The following ELF1 variants were observed in gnomAD, a reference collection of about 807,000 sequenced individuals.
ELF1 encodes the protein ETS-related transcription factor Elf-1.
A neutral mutation model predicts 59.9 loss-of-function variants in ELF1; 24 were observed. That is an observed-to-expected ratio of 0.40 (90% CI 0.29 to 0.56). The LOEUF (loss-of-function observed/expected upper bound fraction) is 0.56, where lower values mean the gene tolerates loss of function less well. ELF1 is among the 20% of genes least tolerant of loss of function. The probability of loss-of-function intolerance (pLI) is 0.44; values close to 1 mark genes in which losing one functional copy is unlikely to be tolerated. For missense variants in ELF1, 627 were observed against 742.2 expected, an observed-to-expected ratio of 0.84 and a Z score of 1.80; for synonymous variants, 248 against 266.2, an observed-to-expected ratio of 0.93 and a Z score of 0.67.
At chr13:41,027,346 T>C (rs1875980163) in intron 1 of ELF1, among the ~76,000 whole-genome samples, 1 of 152,212 alleles carries the variant, frequency 6.6e-6, no homozygotes, top group Non-Finnish European at 1.5e-5. Flanking sequence ...GCATGACCTG[T>C]TTTATGGATA....
chr13:40,973,399 CACAA>C (rs984171842), intron 2 of ELF1, among the ~76,000 whole-genome samples: 2 of 152,156 alleles, frequency 1.3e-5, no homozygotes, highest in African/African-American at 4.8e-5. Flanking sequence ...CTAAAACACA[CACAA>C]ACAATTATTT....
In ELF1 at chr13:40,982,189, T is replaced by C. The variant is rs543589884; in HGVS notation, c.-135A>G. The C allele has an allele frequency of 1.3e-5, 17 of 1,314,178 alleles. No individual in the cohort carries two copies. In the African/African-American group the frequency reaches 2.6e-4, roughly 20 times the overall value. 81.4% of individuals were successfully genotyped at this position (1,314,178 alleles called of 1,614,324 possible). A position where few individuals can be genotyped will look rare whatever the true frequency, so the allele number is the denominator to read the frequency against. On this transcript the variant is annotated 5_prime_UTR_variant, in exon 2 of 9. Transcript: ENST00000239882. Reference sequence around the variant, plus strand: ...GGAGTAATTGTATACCCAAGTTTTCTTTAGGGAAGGTGCTTCAGTTTTCCT... The same window carrying C: ...GGAGTAATTGTATACCCAAGTTTTCCTTAGGGAAGGTGCTTCAGTTTTCCT...
intron 5 of ELF1, among the ~76,000 whole-genome samples, chr13:40,947,089 C>T (rs1296168636): frequency 1.3e-5 from 2 of 150,404 alleles, no homozygotes; most frequent in Admixed American, 6.6e-5. Context: ...AGTGCCACTG[C>T]ACTCCAGCCT....
At chr13:41,020,756 G>A (rs569634853), upstream of ELF1, among the ~76,000 whole-genome samples, 6 of 152,118 alleles carry the variant, frequency 3.9e-5, no homozygotes, top group South Asian at 2.1e-4. Flanking sequence ...AACAAGGTCC[G>A]CTGAGCAGTC....
chr13:40,967,480 T>C (rs1384672908), intron 2 of ELF1, among the ~76,000 whole-genome samples: 3 of 152,240 alleles, frequency 2.0e-5, no homozygotes, highest in Non-Finnish European at 4.4e-5. Flanking sequence ...GCATGGCATA[T>C]AGTAAGCAAT....
rs543283033 is a variant in ELF1, at chr13:40,989,762, A to T, written c.-228-7480T>A. Reference sequence around the variant, plus strand: ...TATTGTCGTGCTCAAATTCTACTACATGGTGAAAATTCTAGCATTTTCCAG... The same window carrying T: ...TATTGTCGTGCTCAAATTCTACTACTTGGTGAAAATTCTAGCATTTTCCAG... On this transcript the variant is annotated intron_variant, in intron 1 of 8. Transcript: ENST00000239882. 3.9e-5 allele frequency among the ~76,000 whole-genome samples: 6 copies of T among 152,316 alleles called. No homozygotes were observed. In the East Asian group the frequency reaches 1.2e-3, roughly 29 times the overall value.
chr13:41,013,678 T>C (rs1318392280), intron 1 of ELF1, among the ~76,000 whole-genome samples: 1 of 152,102 alleles, frequency 6.6e-6, no homozygotes, highest in Non-Finnish European at 1.5e-5. Context: ...TTAAATAAAA[T>C]ACAAAATATT....
chr13:41,030,830 G>C (rs1020816727), intron 1 of ELF1, among the ~76,000 whole-genome samples: 1 of 151,712 alleles, frequency 6.6e-6, no homozygotes, highest in Non-Finnish European at 1.5e-5. Context: ...TTTGGGGGGT[G>C]GGGGGTGCAG....
At chr13:41,000,546 T>C (rs1379311536) in intron 1 of ELF1, among the ~76,000 whole-genome samples, 1 of 152,064 alleles carries the variant, frequency 6.6e-6, no homozygotes, top group Non-Finnish European at 1.5e-5. Context: ...TCAGAGGTGT[T>C]TTCTGCTTTA....
chr13:41,029,982 T>G (rs1001480225), intron 1 of ELF1, among the ~76,000 whole-genome samples: 1 of 152,060 alleles, frequency 6.6e-6, no homozygotes, highest in African/African-American at 2.4e-5. Flanking sequence ...AGTCCTGGAG[T>G]TGAATATACA....
intron 1 of ELF1, 124 bp downstream of exon 1, chr13:41,019,104 A>C (rs1203994515): frequency 1.3e-6 from 1 of 798,336 alleles, no homozygotes; most frequent in Admixed American, 6.2e-5. Flanking sequence ...GTGACTGACC[A>C]CACACATTTT....
chr13:40,998,367 C>T (rs957109615), intron 1 of ELF1, among the ~76,000 whole-genome samples: 5 of 152,166 alleles, frequency 3.3e-5, no homozygotes, highest in African/African-American at 9.7e-5. Flanking sequence ...ATTACCTATA[C>T]TATTCAGTAC....
At chr13:40,973,522 AAATGG>A (rs1451104841) in intron 2 of ELF1, among the ~76,000 whole-genome samples, 1 of 152,186 alleles carries the variant, frequency 6.6e-6, no homozygotes, top group Non-Finnish European at 1.5e-5. Context: ...GTGTTCACTG[AAATGG>A]AAAGGAGACA....
At position 41,060,914 on chromosome 13, in the gene ELF1, T is replaced by TGCCGCTGCCGCTGCCGCC. The variant is rs1555283652; in HGVS notation, c.-306_-305insGGCGGCAGCGGCAGCGGC. On this transcript the variant is annotated 5_prime_UTR_variant, in exon 1 of 2. Coordinates refer to the ELF1 transcript ENST00000405737. ...GCCTCTGCGCTACTGAAGCTGCTGC[T>TGCCGCTGCCGCTGCCGCC]GCCGCCGCCGCCGCCGCCGCCGCCG... The TGCCGCTGCCGCTGCCGCC allele has an allele frequency of 1.3e-4, 45 of 345,002 alleles. 1 individual carries two copies. The highest frequency in any genetic ancestry group is 8.8e-4 in the African/African-American group (39 of 44,092). The allele number at this position is 345,002 out of a possible 1,614,324, so 21.4% of individuals were successfully genotyped here.
At chr13:40,957,805 G>C (rs2138192120) in intron 3 of ELF1, among the ~76,000 whole-genome samples, 1 of 152,356 alleles carries the variant, frequency 6.6e-6, no homozygotes, top group African/African-American at 2.4e-5. Flanking sequence ...AATGTTAACA[G>C]TGGGGCCTCT....
At chr13:40,960,191 A>G (rs1871729480) in intron 2 of ELF1, among the ~76,000 whole-genome samples, 1 of 152,228 alleles carries the variant, frequency 6.6e-6, no homozygotes, top group Non-Finnish European at 1.5e-5. Flanking sequence ...CTAGGAAAAT[A>G]ACATTAATAC....
chr13:40,942,090 T>C (rs531384300), intron 7 of ELF1, among the ~76,000 whole-genome samples: 4 of 152,202 alleles, frequency 2.6e-5, no homozygotes, highest in Non-Finnish European at 5.9e-5. Context: ...TAAATTTAAA[T>C]TGGCAAATGT....
rs199907005 is a variant in ELF1 at position 40,934,303 on chromosome 13, TGAG to T, written c.1257-278_1257-276del. On this transcript the variant is annotated intron_variant, in intron 8 of 8. Coordinates refer to ENST00000239882, the MANE Select transcript of ELF1 (RefSeq NM_172373.4). ...GTACATAGGGCCACATTAACACAAA[TGAG>T]GAGCTAATTTTGTTGGGGAAGGAGG... 5.4e-3 allele frequency among the ~76,000 whole-genome samples: 813 copies of T among 151,892 alleles called. 11 individuals are homozygous for T. Among genetic ancestry groups the T allele is most frequent in the African/African-American group, 0.019 (781 of 41,426 alleles).
At chr13:41,053,985 G>T (rs1347964193) in intron 1 of ELF1, among the ~76,000 whole-genome samples, 1 of 152,124 alleles carries the variant, frequency 6.6e-6, no homozygotes, top group Non-Finnish European at 1.5e-5. Context: ...AAAAGGGTGT[G>T]GGGGGATGTT....
Sources: gnomAD v4.1 joint callset for allele counts (sites outside exome capture counted in the v4.1 genomes callset) on GRCh38, gnomAD v4.1.1 for gene constraint, MANE v1.5 for transcripts, NCBI Gene and HGNC (gene_info 2026-07-23, HGNC 2026-07-21) for gene names.